DPYSL2: variants seen among roughly 807,000 people sequenced by gnomAD.
DPYSL2 encodes the protein dihydropyrimidinase like 2, also known as dihydropyrimidinase-related protein 2.
DPYSL2 carries 13 observed loss-of-function variants against 69.9 expected under a neutral mutation model. That is an observed-to-expected ratio of 0.19 (90% CI 0.12 to 0.30). The LOEUF (loss-of-function observed/expected upper bound fraction) is 0.30, where lower values mean the gene tolerates loss of function less well. Among genes scored for constraint, DPYSL2 ranks in the 10% least tolerant of loss-of-function variants. The probability of loss-of-function intolerance (pLI) is 1.00; values close to 1 mark genes in which losing one functional copy is unlikely to be tolerated. For synonymous variants in DPYSL2, 326 were observed against 359.1 expected (o/e 0.91, Z 1.04); for missense variants, 587 against 918.9 (o/e 0.64, Z 4.67).
chr8:26,579,577 C>A (rs1002514081), intron 1 of DPYSL2, among the ~76,000 whole-genome samples: 1 of 152,196 alleles, frequency 6.6e-6, no homozygotes, highest in African/African-American at 2.4e-5. Flanking sequence ...CATGGGCACC[C>A]CGGCTTCCTC....
chr8:26,568,571 C>A (rs1801188150), intron 1 of DPYSL2, among the ~76,000 whole-genome samples: 1 of 152,152 alleles, frequency 6.6e-6, no homozygotes, highest in African/African-American at 2.4e-5. Context: ...TTCAAGCATT[C>A]ACAGACTAAG....
At chr8:26,638,680 C>A (rs1442336) in intron 8 of DPYSL2, among the ~76,000 whole-genome samples, 98,313 of 152,094 alleles carry the variant, frequency 0.65, 33,622 homozygotes, top group Non-Finnish European at 0.76. Context: ...CAGGACCAGA[C>A]GACCTGGGGG....
chr8:26,638,555 G>A (rs1383776705), intron 8 of DPYSL2, among the ~76,000 whole-genome samples: 1 of 152,204 alleles, frequency 6.6e-6, no homozygotes, highest in African/African-American at 2.4e-5. Context: ...GAGACACGCT[G>A]AGAGACACGC....
chr8:26,614,447 C>T lies in DPYSL2; in HGVS notation c.629-9696C>T, dbSNP rs747331617. Among the ~76,000 whole-genome samples the T allele has an allele frequency of 5.9e-5, 9 of 152,160 alleles. No homozygotes were observed. Among genetic ancestry groups the T allele is most frequent in the Non-Finnish European group, 1.0e-4 (7 of 68,030 alleles). On this transcript the variant is annotated intron_variant, in intron 3 of 13. Transcript: ENST00000521913. The surrounding 1 kb of genome is among the most constrained non-coding windows in gnomAD (Gnocchi z 4.9). ...GAGGGTCCTTCAGGATCATTTTATC[C>T]GTATCCCTTTCGTATCTTTTAGTGA...
At chr8:26,611,342 T>C (rs1802223877) in intron 3 of DPYSL2, among the ~76,000 whole-genome samples, 1 of 152,224 alleles carries the variant, frequency 6.6e-6, no homozygotes, top group African/African-American at 2.4e-5. Flanking sequence ...AGCCCAGCTT[T>C]TCAGATGGTG....
At chr8:26,576,234 GA>G (rs1801341463) in intron 1 of DPYSL2, among the ~76,000 whole-genome samples, 1 of 152,328 alleles carries the variant, frequency 6.6e-6, no homozygotes, top group East Asian at 1.9e-4. Flanking sequence ...TGGAAGGACA[GA>G]CATTCCCCTA....
At position 26,514,108 on chromosome 8, in the gene DPYSL2, G is replaced by C. The variant is rs2117589939; in HGVS notation, c.-218G>C. 2.6e-6 allele frequency: 1 copy of C among 390,726 alleles called. No homozygotes were observed. Among genetic ancestry groups the C allele is most frequent in the East Asian group, 3.8e-5 (1 of 26,240 alleles). The allele number at this position is 390,726 out of a possible 1,614,324, so 24.2% of individuals were successfully genotyped here. ...TTCCCCGAGCTCGCGCTGTAGCCGC[G>C]GGGGGCGTGGGCAGGGAGGGGAGAA... On this transcript the variant is annotated 5_prime_UTR_variant, in exon 1 of 14. Coordinates refer to ENST00000521913, the MANE Select transcript of DPYSL2 (RefSeq NM_001197293.3). This position sits in a 1 kb window ranked among gnomAD's most constrained non-coding sequence, Gnocchi z 8.4.
chr8:26,612,931 G>C (rs1018433068), intron 3 of DPYSL2, among the ~76,000 whole-genome samples: 1 of 152,214 alleles, frequency 6.6e-6, no homozygotes, highest in Non-Finnish European at 1.5e-5. Flanking sequence ...ATGTAAGATC[G>C]TAAACCTGTC....
chr8:26,531,992 G>A (rs1037880541), intron 1 of DPYSL2, among the ~76,000 whole-genome samples: 5 of 152,096 alleles, frequency 3.3e-5, no homozygotes, highest in Admixed American at 1.3e-4. Flanking sequence ...ATGGGCACAG[G>A]GAGGGCACTT....
chr8:26,525,887 TTATATATTGAGTTATTTTAAGACAC>T (rs1178301189), intron 1 of DPYSL2, among the ~76,000 whole-genome samples: 1 of 152,226 alleles, frequency 6.6e-6, no homozygotes, highest in Non-Finnish European at 1.5e-5. Context: ...TATATTAAAT[TTATATATTGAGTTATTTTAAGACAC>T]ATGTATTTTT....
chr8:26,576,820 G>A (rs1801355284), intron 1 of DPYSL2, among the ~76,000 whole-genome samples: 1 of 152,208 alleles, frequency 6.6e-6, no homozygotes, highest in African/African-American at 2.4e-5. Flanking sequence ...GGTGCGGTGT[G>A]GGTCCCATCC....
chr8:26,611,442 G>A (rs1258905558), intron 3 of DPYSL2, among the ~76,000 whole-genome samples: 5 of 152,178 alleles, frequency 3.3e-5, no homozygotes, highest in Non-Finnish European at 7.3e-5. Context: ...TGGTGGTGGG[G>A]CCAGGAGAAG....
At chr8:26,590,346 C>T (rs1203466694) in intron 3 of DPYSL2, among the ~76,000 whole-genome samples, 1 of 152,218 alleles carries the variant, frequency 6.6e-6, no homozygotes, top group Non-Finnish European at 1.5e-5. Flanking sequence ...GTTGAGGTCA[C>T]ACATTTCTCC....
At position 26,556,288 on chromosome 8, in the gene DPYSL2, A is replaced by C. The variant is rs1471666464; in HGVS notation, c.355-25681A>C. On this transcript the variant is annotated intron_variant, in intron 1 of 13. Coordinates refer to ENST00000521913, the MANE Select transcript of DPYSL2 (RefSeq NM_001197293.3). ...ATAGTATATATAGTATTTATATAAT[A>C]TATATAGTATATATATAGTATATAT... Among the ~76,000 whole-genome samples the C allele has an allele frequency of 1.5e-4, 6 of 39,534 alleles. 2 individuals carry two copies. The highest frequency in any genetic ancestry group is 5.3e-4 in the African/African-American group (6 of 11,382). 25.9% of individuals were successfully genotyped at this position (39,534 alleles called of 152,430 possible). A position where few individuals can be genotyped will look rare whatever the true frequency, so the allele number is the denominator to read the frequency against.
rs1445662680 is a variant in DPYSL2, at chr8:26,621,306, G to GA, written c.629-2830dup. Among the ~76,000 whole-genome samples, 5 of 152,046 alleles carry GA rather than the reference G, an allele frequency of 3.3e-5. No homozygotes were observed. Among genetic ancestry groups the GA allele is most frequent in the African/African-American group, 9.7e-5 (4 of 41,404 alleles). On this transcript the variant is annotated intron_variant, in intron 3 of 13. Coordinates refer to ENST00000521913, the MANE Select transcript of DPYSL2 (RefSeq NM_001197293.3). This position sits in a 1 kb window ranked among gnomAD's most constrained non-coding sequence, Gnocchi z 4.9. ...TTCTACTCAAAGAATCATATCATCA[G>GA]AAAAAAATTATTATTTCTGCTCATT...
chr8:26,529,482 C>T (rs1800460380), intron 1 of DPYSL2, among the ~76,000 whole-genome samples: 1 of 151,888 alleles, frequency 6.6e-6, no homozygotes, highest in African/African-American at 2.4e-5. Flanking sequence ...ACACCTGGCT[C>T]ATTTTTTAAT....
intron 3 of DPYSL2, among the ~76,000 whole-genome samples, chr8:26,595,873 C>T (rs1801849767): frequency 6.6e-6 from 1 of 152,108 alleles, no homozygotes; most frequent in Non-Finnish European, 1.5e-5. Context: ...AAAGGGAGGA[C>T]CCATTATTAG....
At position 26,514,530 on chromosome 8, in the gene DPYSL2, C is replaced by G; in HGVS notation, c.205C>G (p.Arg69Gly). The G allele has an allele frequency of 6.5e-7, 1 of 1,529,404 alleles. No individual in the cohort carries two copies. The highest frequency in any genetic ancestry group is 8.7e-7 in the Non-Finnish European group (1 of 1,144,406). The allele number at this position is 1,529,404 out of a possible 1,614,324, so 94.7% of individuals were successfully genotyped here. Reference sequence around the variant, plus strand: ...CTCGGGGCAGGTGGTGGCTCAGCAGCGGGACGTCGCCCACTTGGGCCCGGA... The same window carrying G: ...CTCGGGGCAGGTGGTGGCTCAGCAGGGGGACGTCGCCCACTTGGGCCCGGA... Reference protein sequence around the residue: ...RGSGQVVAQQRDVAHLGPDPQ... With the variant: ...RGSGQVVAQQGDVAHLGPDPQ... Residue 69 changes from arginine (R) to glycine (G), a missense_variant, in exon 1 of 14, where the codon CGG becomes GGG. Coordinates refer to ENST00000521913, the MANE Select transcript of DPYSL2 (RefSeq NM_001197293.3). The surrounding 1 kb of genome is among the most constrained non-coding windows in gnomAD (Gnocchi z 8.4).
chr8:26,609,504 A>AT lies in DPYSL2; in HGVS notation c.629-14632dup, dbSNP rs1254163237. The stretch of plus-strand genomic sequence containing the variant: ...CGTGGAAGCTTGTGGCGTGACTGTT[A>AT]TTTTTTTGTGATGTTCTGTACAGCC... On this transcript the variant is annotated intron_variant, in intron 3 of 13. Transcript: ENST00000521913. The surrounding 1 kb of genome is among the most constrained non-coding windows in gnomAD (Gnocchi z 6.5). Among the ~76,000 whole-genome samples, 1 of 152,084 alleles carries AT rather than the reference A, an allele frequency of 6.6e-6. No individual in the cohort carries two copies.
Sources: gnomAD v4.1 joint callset for allele counts (sites outside exome capture counted in the v4.1 genomes callset) on GRCh38, gnomAD v4.1.1 for gene constraint, Gnocchi (gnomAD v3.1) non-coding constraint, MANE v1.5 for transcripts, NCBI Gene and HGNC (gene_info 2026-07-23, HGNC 2026-07-21) for gene names.